Variants in DOCK2 observed in about 807,000 individuals in gnomAD.
The protein encoded by DOCK2 is dedicator of cytokinesis 2.
A neutral mutation model predicts 248.9 loss-of-function variants in DOCK2; 87 were observed. The ratio of observed to expected loss-of-function variants is 0.35; its 90% CI spans 0.29 to 0.42. DOCK2 has a LOEUF of 0.42. Ranked by LOEUF, DOCK2 falls within the 10% of genes least tolerant of loss-of-function variation. The probability of loss-of-function intolerance (pLI) is 1.00; values close to 1 mark genes in which losing one functional copy is unlikely to be tolerated. For synonymous variants in DOCK2, 805 were observed against 821.6 expected, an observed-to-expected ratio of 0.98 and a Z score of 0.35; for missense variants, 1,747 against 2,300.2, an observed-to-expected ratio of 0.76 and a Z score of 4.92.
chr5:170,071,433 A>G (rs894935224), intron 46 of DOCK2, among the ~76,000 whole-genome samples: 1 of 152,236 alleles, frequency 6.6e-6, no homozygotes, highest in Non-Finnish European at 1.5e-5. Context: ...TAGCAACCGA[A>G]CAAATGCTGA....
At position 169,669,729 on chromosome 5, in the gene DOCK2, C is replaced by T. The variant is rs560224304; in HGVS notation, c.168+401C>T. On this transcript the variant is annotated intron_variant, in intron 3 of 51. Transcript: ENST00000520908. ...ACAGAAAGGACAGGCCTGATTTCTA[C>T]TTTTGAGGGGTTCTCTTGTTCTAAC... is the stretch of plus-strand genomic sequence containing the variant. 5.3e-5 allele frequency among the ~76,000 whole-genome samples: 8 copies of T among 152,332 alleles called. No homozygotes were observed. In the South Asian group the frequency reaches 1.2e-3, roughly 24 times the overall value.
At chr5:169,948,916 G>T (rs1348259889) in intron 27 of DOCK2, among the ~76,000 whole-genome samples, 1 of 151,920 alleles carries the variant, frequency 6.6e-6, no homozygotes, top group Non-Finnish European at 1.5e-5. Context: ...TTTGGCATAA[G>T]GGCAAGCATA....
At chr5:169,995,724 G>A (rs112254351) in intron 29 of DOCK2, among the ~76,000 whole-genome samples, 1,620 of 152,252 alleles carry the variant, frequency 0.011, 34 homozygotes, top group Non-Finnish European at 0.011. Flanking sequence ...GACAGTTTTC[G>A]TTAGGTGATA....
intron 1 of DOCK2, among the ~76,000 whole-genome samples, 184 bp downstream of exon 1, chr5:169,637,553 C>A (rs193223039): frequency 1.3e-5 from 2 of 152,256 alleles, no homozygotes; most frequent in East Asian, 3.9e-4. Flanking sequence ...ACGGCGGGAC[C>A]CCACCCCGCA....
At chr5:170,049,305 G>A (rs1756829743) in intron 40 of DOCK2, among the ~76,000 whole-genome samples, 1 of 152,174 alleles carries the variant, frequency 6.6e-6, no homozygotes, top group African/African-American at 2.4e-5. Flanking sequence ...AGTAGAGACG[G>A]TGTTTCACCA....
At chr5:170,008,115 G>A (rs1282232272) in intron 30 of DOCK2, among the ~76,000 whole-genome samples, 4 of 151,874 alleles carry the variant, frequency 2.6e-5, no homozygotes, top group Non-Finnish European at 5.9e-5. Flanking sequence ...TCTAATTCCA[G>A]GGCAAGAACC....
intron 34 of DOCK2, 31 bp downstream of exon 34, chr5:170,027,979 C>A: frequency 6.3e-7 from 1 of 1,589,346 alleles, no homozygotes; most frequent in Non-Finnish European, 8.6e-7. Context: ...GTAGGAACAG[C>A]CTGTGAAGGT....
chr5:169,938,604 G>A (rs1382310365), intron 27 of DOCK2, among the ~76,000 whole-genome samples: 3 of 152,250 alleles, frequency 2.0e-5, no homozygotes, highest in Admixed American at 6.5e-5. Context: ...GAGCTTGGAA[G>A]TTGCTCTGAG....
At chr5:169,852,079 G>C (rs1036269703) in intron 27 of DOCK2, among the ~76,000 whole-genome samples, 1 of 152,204 alleles carries the variant, frequency 6.6e-6, no homozygotes, top group Non-Finnish European at 1.5e-5. Context: ...AGCACAGAGA[G>C]AGAGAGGGAA....
At chr5:169,834,069 A>G (rs879552195) in intron 26 of DOCK2, among the ~76,000 whole-genome samples, 73 of 145,934 alleles carry the variant, frequency 5.0e-4, no homozygotes, top group African/African-American at 1.8e-3. Context: ...TCCCAACCAG[A>G]TCACCCTGCA....
At chr5:170,065,716 C>A (rs1043312991) in intron 44 of DOCK2, among the ~76,000 whole-genome samples, 3 of 152,068 alleles carry the variant, frequency 2.0e-5, no homozygotes, top group Non-Finnish European at 4.4e-5. Context: ...CTTGTGAGAC[C>A]CATTCACTAT....
intron 27 of DOCK2, among the ~76,000 whole-genome samples, chr5:169,967,477 G>A (rs1041564360): frequency 6.6e-6 from 1 of 152,122 alleles, no homozygotes; most frequent in Admixed American, 6.5e-5. Flanking sequence ...CTGTGTGGCC[G>A]GATGATAAAG....
At chr5:169,865,232 A>G (rs1007370265) in intron 27 of DOCK2, among the ~76,000 whole-genome samples, 2 of 152,220 alleles carry the variant, frequency 1.3e-5, no homozygotes, top group East Asian at 1.9e-4. Flanking sequence ...TGTCATTAAC[A>G]TACGGACTGC....
At chr5:169,698,811 A>G (rs1360630169) in intron 11 of DOCK2, among the ~76,000 whole-genome samples, 1 of 152,236 alleles carries the variant, frequency 6.6e-6, no homozygotes, top group Non-Finnish European at 1.5e-5. Flanking sequence ...CATTAATTAC[A>G]AGTGCAGCAG....
chr5:169,800,059 C>T (rs1475451369), intron 25 of DOCK2, among the ~76,000 whole-genome samples: 1 of 152,146 alleles, frequency 6.6e-6, no homozygotes, highest in Admixed American at 6.5e-5. Flanking sequence ...ACTGCCTCCA[C>T]CTCCCAAAGT....
At chr5:169,742,368 A>G (rs1172147227) in intron 22 of DOCK2, among the ~76,000 whole-genome samples, 1 of 152,228 alleles carries the variant, frequency 6.6e-6, no homozygotes, top group Non-Finnish European at 1.5e-5. Context: ...ATACAATTTT[A>G]CTAATGAGAA....
chr5:169,946,240 CCA>C (rs1776443012), intron 27 of DOCK2, among the ~76,000 whole-genome samples: 1 of 152,172 alleles, frequency 6.6e-6, no homozygotes, highest in Admixed American at 6.5e-5. Context: ...TTCTGGACTG[CCA>C]CAGTGAAGAA....
intron 27 of DOCK2, among the ~76,000 whole-genome samples, chr5:169,892,888 A>G (rs1290180889): frequency 6.7e-6 from 1 of 148,788 alleles, no homozygotes; most frequent in Non-Finnish European, 1.5e-5. Flanking sequence ...CTCTGTCTTC[A>G]CTCCTTCTTT....
At chr5:169,807,698 G>A (rs527941180) in intron 26 of DOCK2, among the ~76,000 whole-genome samples, 1 of 151,912 alleles carries the variant, frequency 6.6e-6, no homozygotes, top group Admixed American at 6.6e-5. Flanking sequence ...GCTGGGCGTG[G>A]TGGTGGGCGC....
Sources: gnomAD v4.1 joint callset for allele counts (sites outside exome capture counted in the v4.1 genomes callset) on GRCh38, gnomAD v4.1.1 for gene constraint, MANE v1.5 for transcripts, NCBI Gene and HGNC (gene_info 2026-07-23, HGNC 2026-07-21) for gene names.